Variants in MDN1 observed in about 807,000 individuals in gnomAD.
MDN1 encodes the protein midasin AAA ATPase 1, also known as midasin.
MDN1 carries 266 observed loss-of-function variants against 669.2 expected under a neutral mutation model. That is an observed-to-expected ratio of 0.40 (90% CI 0.36 to 0.44). The LOEUF is 0.44. Among genes scored for constraint, MDN1 ranks in the 20% least tolerant of loss-of-function variants. The pLI is 1.00. For synonymous variants in MDN1, 2,385 were observed against 2,457.1 expected (o/e 0.97, Z 0.87); for missense variants, 5,940 against 6,754.0 (o/e 0.88, Z 4.22).
chr6:89,791,954 G>A (rs888992726), intron 5 of MDN1, among the ~76,000 whole-genome samples: 7 of 132,926 alleles, frequency 5.3e-5, no homozygotes, highest in Admixed American at 1.8e-4. Flanking sequence ...TGAAAGCTCC[G>A]CCTCCCGGGT....
chr6:89,707,566 C>T, intron 51 of MDN1, 90 bp from the exon 52 acceptor site: 1 of 825,994 alleles, frequency 1.2e-6, no homozygotes, highest in East Asian at 2.6e-5. Flanking sequence ...CTTGGAACAT[C>T]AGGGTCCTTC....
chr6:89,672,505 A>C, intron 81 of MDN1, 42 bp downstream of exon 81: 1 of 1,597,948 alleles, frequency 6.3e-7, no homozygotes, highest in East Asian at 2.2e-5. Flanking sequence ...TACAAAAATT[A>C]AATCAGGCAT....
At chr6:89,699,752 G>C (rs1434893727) in intron 57 of MDN1, 25 bp from the exon 58 acceptor site, 1 of 1,612,740 alleles carries the variant, frequency 6.2e-7, no homozygotes, top group Non-Finnish European at 8.5e-7. Context: ...AAGAGGGAGA[G>C]GGTGGGGTAT....
chr6:89,702,665 A>T (rs1370561342), intron 53 of MDN1, among the ~76,000 whole-genome samples: 1 of 152,188 alleles, frequency 6.6e-6, no homozygotes, highest in Non-Finnish European at 1.5e-5. Flanking sequence ...TATGGAATTT[A>T]TGTGTTTTGT....
Position 89,761,409 on chromosome 6 carries a change from AC to A in MDN1, c.2460+235del, listed in dbSNP as rs1166468323. ...TTCATAAATCATAACACCCTTTTGTACCCCATGAATATATACAATTATAATT... is the reference window on the plus strand; with the variant it reads ...TTCATAAATCATAACACCCTTTTGTACCCATGAATATATACAATTATAATT... On this transcript the variant is annotated intron_variant, in intron 17 of 101. Transcript: ENST00000369393. Among the ~76,000 whole-genome samples the A allele has an allele frequency of 3.9e-5, 6 of 152,282 alleles. No homozygotes were observed. The East Asian group carries it at 5.8e-4, about 15-fold the overall frequency.
intron 61 of MDN1, among the ~76,000 whole-genome samples, chr6:89,694,746 T>C (rs535719124): frequency 6.6e-6 from 1 of 151,832 alleles, no homozygotes; most frequent in African/African-American, 2.4e-5. Context: ...ACAGGAATCT[T>C]ACTATGTGGT....
chr6:89,678,284 A>G (rs1256502511), intron 75 of MDN1, among the ~76,000 whole-genome samples: 1 of 152,088 alleles, frequency 6.6e-6, no homozygotes, highest in Non-Finnish European at 1.5e-5. Flanking sequence ...AGCTGAGATC[A>G]CACCGCTGCA....
At chr6:89,786,273 A>G (rs1359213070) in intron 8 of MDN1, among the ~76,000 whole-genome samples, 2 of 152,046 alleles carry the variant, frequency 1.3e-5, no homozygotes, top group African/African-American at 4.8e-5. Context: ...AAATTAATTA[A>G]ATAAAATAAA....
In MDN1 at chr6:89,693,121, C is replaced by G. The variant is rs9351212; in HGVS notation, c.9909G>C (p.Leu3303=). The change falls in exon 63 of 102, where the codon CTG becomes CTC. Residue 3303 remains leucine, a synonymous_variant. Coordinates refer to ENST00000369393, the MANE Select transcript of MDN1 (RefSeq NM_014611.3). ...VRLLRQRMDR[L]DNLTCHLLKK... Reference sequence around the variant, plus strand: ...TCAACAGGTGACAGGTTAAATTATCCAGCCGATCCATCCTTTGGCGAAGCA... The same window carrying G: ...TCAACAGGTGACAGGTTAAATTATCGAGCCGATCCATCCTTTGGCGAAGCA... The G allele has an allele frequency of 0.67, 1,069,798 of 1,603,454 alleles. 361,328 individuals are homozygous for G. The highest frequency in any genetic ancestry group is 0.99 in the East Asian group (44,344 of 44,804).
In MDN1 at chr6:89,803,538, T is replaced by C. The variant is rs758131565; in HGVS notation, c.119A>G (p.Asp40Gly). The stretch of plus-strand genomic sequence containing the variant: ...TAAGGTACTCAGGACACACTGGCGA[T>C]CTTGAGGTGTCCACACCTGAGAAAG... ...FLAKQVWTPQ[D>G]RQCVLSTLAQ... Residue 40 changes from aspartate (D) to glycine (G), a missense_variant, in exon 2 of 102, where the codon GAT (aspartate) becomes GGT (glycine). Coordinates refer to ENST00000369393, the MANE Select transcript of MDN1 (RefSeq NM_014611.3). The C allele has an allele frequency of 2.5e-6, 4 of 1,612,710 alleles. No individual in the cohort carries two copies. The highest frequency in any genetic ancestry group is 3.3e-5 in the Admixed American group (2 of 59,992).
chr6:89,728,938 T>G lies in MDN1; in HGVS notation c.5342A>C (p.Glu1781Ala), dbSNP rs565805906. Residue 1781 changes from glutamate to alanine, a missense_variant, in exon 36 of 102, where the codon GAG (glutamate) becomes GCG (alanine). By Grantham distance (107) the Glu-to-Ala change is moderately radical. Around this residue, in one of 5 missense-constraint regions of MDN1, gnomAD observed 2,292 missense variants for 2,638.3 expected, o/e 0.87. Transcript: ENST00000369393. ...GNTLVRINLS[E>A]QTDITDLFGA... is the part of the protein sequence containing the mutation. The stretch of plus-strand genomic sequence containing the variant: ...TAGGATGACCGAGCTTACCGTTTGC[T>G]CTGATAAGTTGATTCTAACAAGGGT... The G allele has an allele frequency of 6.2e-7, 1 of 1,613,830 alleles. No homozygotes were observed. Among genetic ancestry groups the G allele is most frequent in the African/African-American group, 1.3e-5 (1 of 75,048 alleles).
chr6:89,648,107 C>T lies in MDN1; in HGVS notation c.16320G>A (p.Glu5440=), dbSNP rs760602083. The change falls in exon 99 of 102, where the codon GAG becomes GAA. Residue 5440 remains glutamate (E), a synonymous_variant. Coordinates refer to ENST00000369393, the MANE Select transcript of MDN1 (RefSeq NM_014611.3). ...GGGACCCAGAGTAATCACTGAACTG[C>T]TCATGAAATGGGTGTAACAGCTTTA... is the stretch of plus-strand genomic sequence containing the variant. ...ESVKLLHPFH[E]QFSDYSGSQI... 3.7e-6 allele frequency: 6 copies of T among 1,614,124 alleles called. No individual in the cohort carries two copies. Among genetic ancestry groups the T allele is most frequent in the Non-Finnish European group, 5.1e-6 (6 of 1,179,972 alleles).
At chr6:89,802,239 CT>C (rs1278833414) in intron 2 of MDN1, among the ~76,000 whole-genome samples, 11 of 152,128 alleles carry the variant, frequency 7.2e-5, no homozygotes, top group Non-Finnish European at 1.3e-4. Flanking sequence ...TTCTCAACCC[CT>C]TTTAGAAAAG....
rs760058989 is a variant in MDN1 at position 89,708,531 on chromosome 6, G to T, written c.7863C>A (p.Asp2621Glu). The change falls in exon 51 of 102, where the codon GAC (aspartate) becomes GAA (glutamate). Residue 2621 changes from aspartate (D) to glutamate (E), a missense_variant. Physicochemically the swap from Asp to Glu is conservative, Grantham distance 45. This residue lies in a region of MDN1 where 2,292 missense variants were observed against 2,638.3 expected (regional missense o/e 0.87). Coordinates refer to ENST00000369393, the MANE Select transcript of MDN1 (RefSeq NM_014611.3). ...CTGATTCTAAAAGGGCAAAGAGCTGGTCAGGCTGGTCCGTTTGTGGGTCAA... is the reference window on the plus strand; with the variant it reads ...CTGATTCTAAAAGGGCAAAGAGCTGTTCAGGCTGGTCCGTTTGTGGGTCAA... ...MDFDPQTDQP[D>E]QLFALLESAA... 10 of 1,614,052 alleles carry T rather than the reference G, an allele frequency of 6.2e-6. No individual in the cohort carries two copies. In the Admixed American group the frequency reaches 1.7e-4, roughly 27 times the overall value.
At chr6:89,731,071 G>A (rs761956999) in intron 34 of MDN1, 148 bp from the exon 35 acceptor site, 71 of 639,898 alleles carry the variant, frequency 1.1e-4, no homozygotes, top group Non-Finnish European at 1.4e-4. Flanking sequence ...GCAGTCCTAA[G>A]AAAGAAGTCC....
chr6:89,809,993 TAAAAA>T (rs61558155), intron 1 of MDN1, among the ~76,000 whole-genome samples: 3,069 of 52,958 alleles, frequency 0.058, 80 homozygotes, highest in Non-Finnish European at 0.076. Context: ...TCCGTTTCAC[TAAAAA>T]AAAAAAAAAA....
chr6:89,663,973 C>CA (rs1810003213), intron 85 of MDN1, among the ~76,000 whole-genome samples: 2 of 151,174 alleles, frequency 1.3e-5, no homozygotes, highest in South Asian at 4.2e-4. Context: ...AAGAAAAAAG[C>CA]AGACTACAGA....
intron 26 of MDN1, among the ~76,000 whole-genome samples, chr6:89,748,064 C>T (rs1816754667): frequency 1.3e-5 from 2 of 149,906 alleles, no homozygotes; most frequent in East Asian, 2.0e-4. Context: ...CAGTGGCTCA[C>T]ACCTGTAATC....
chr6:89,811,442 TA>T (rs1477804900), intron 1 of MDN1, among the ~76,000 whole-genome samples: 1 of 152,000 alleles, frequency 6.6e-6, no homozygotes, highest in Non-Finnish European at 1.5e-5. Flanking sequence ...TACTTCTTTT[TA>T]TTTTTTTTTT....
Sources: allele counts gnomAD v4.1 joint callset (sites outside exome capture counted in the v4.1 genomes callset), GRCh38; gene constraint gnomAD v4.1.1; regional missense constraint gnomAD v4.1.1; transcripts MANE v1.5; gene names NCBI Gene and HGNC (gene_info 2026-07-23, HGNC 2026-07-21).